GALC: variants seen among roughly 807,000 people sequenced by gnomAD.
GALC encodes the protein galactocerebrosidase.
A neutral mutation model predicts 91.8 loss-of-function variants in GALC; 77 were observed. The ratio of observed to expected loss-of-function variants is 0.84; its 90% confidence interval spans 0.70 to 1.01. The LOEUF (loss-of-function observed/expected upper bound fraction) is 1.01. Ranked by LOEUF, GALC falls within the 50% of genes least tolerant of loss-of-function variation. The pLI is 0.00. For missense variants in GALC, 882 were observed against 855.9 expected, an observed-to-expected ratio of 1.03 and a Z score of -0.38; for synonymous variants, 357 against 306.7, an observed-to-expected ratio of 1.16 and a Z score of -1.71.
chr14:87,987,867 T>G, intron 3 of GALC: 1 of 421,384 alleles, frequency 2.4e-6, no homozygotes, highest in Non-Finnish European at 4.3e-6. Context: ...TGCTCTGTCC[T>G]GTATATATAG....
intron 10 of GALC, among the ~76,000 whole-genome samples, chr14:87,962,578 TACACACACACACACACACACACAC>T (rs36205603): frequency 6.1e-5 from 9 of 146,438 alleles, no homozygotes; most frequent in Non-Finnish European, 3.0e-5. Context: ...CCTGATATGA[TACACACACACACACACACACACAC>T]ACACACACAC....
rs553482812 is a variant in GALC at position 87,951,632 on chromosome 14, C to CA, written c.1162-885dup. ...TAAATACAGGAAGATTCAAGTCACA[C>CA]AAAGTACTTTTTTAACCACTATAGA... is the stretch of plus-strand genomic sequence containing the variant. On this transcript the variant is annotated intron_variant, in intron 10 of 16. Transcript: ENST00000261304. Among the ~76,000 whole-genome samples the CA allele has an allele frequency of 1.3e-4, 19 of 151,934 alleles. No individual in the cohort carries two copies. In the South Asian group the frequency reaches 3.9e-3, roughly 32 times the overall value.
intron 16 of GALC, among the ~76,000 whole-genome samples, chr14:87,936,477 A>T (rs11624233): frequency 0.46 from 69,610 of 151,246 alleles, 17,691 homozygotes; most frequent in East Asian, 0.76. Flanking sequence ...ACAATAGCCG[A>T]ACTGGGTAGC....
intron 10 of GALC, chr14:87,953,538 G>T (rs1885396285): frequency 1.9e-6 from 3 of 1,609,222 alleles, no homozygotes; most frequent in Non-Finnish European, 2.5e-6. Context: ...AAGATGAACT[G>T]CCACCAAATG....
chr14:87,961,241 A>T (rs1012164112), intron 10 of GALC, among the ~76,000 whole-genome samples: 1 of 152,196 alleles, frequency 6.6e-6, no homozygotes, highest in South Asian at 2.1e-4. Flanking sequence ...AGGAAAATGC[A>T]TATTGAACTA....
chr14:87,962,197 C>T (rs944091997), intron 10 of GALC, among the ~76,000 whole-genome samples: 10 of 152,252 alleles, frequency 6.6e-5, no homozygotes, highest in Middle Eastern at 3.4e-3. Context: ...TACCAACTAT[C>T]GCCAGCTCTG....
intron 6 of GALC, 116 bp from the exon 7 acceptor site, chr14:87,976,604 CTTTTGTTT>C: frequency 2.3e-6 from 2 of 884,972 alleles, no homozygotes; most frequent in Non-Finnish European, 1.8e-6. Flanking sequence ...ATAATAGCTT[CTTTTGTTT>C]GTTTGTTTGT....
At chr14:87,978,179 G>A (rs1886584610) in intron 6 of GALC, among the ~76,000 whole-genome samples, 1 of 152,172 alleles carries the variant, frequency 6.6e-6, no homozygotes. Flanking sequence ...AGCCTCTCAA[G>A]TAGCTGGGAT....
At position 87,934,578 on chromosome 14, in the gene GALC, T is replaced by C. The variant is rs1042381226; in HGVS notation, c.*154A>G. 6.7e-7 allele frequency: 1 copy of C among 1,495,994 alleles called. No individual in the cohort carries two copies. Among genetic ancestry groups the C allele is most frequent in the South Asian group, 1.3e-5 (1 of 76,652 alleles). 92.7% of individuals were successfully genotyped at this position (1,495,994 alleles called of 1,614,324 possible). The stretch of plus-strand genomic sequence containing the variant: ...AATTCTAATAAAATCTTCCACAGGG[T>C]AAATTAAAAATAAATTTCTCTCCCC... On this transcript the variant is annotated 3_prime_UTR_variant, in exon 17 of 17. Coordinates refer to ENST00000261304, the MANE Select transcript of GALC (RefSeq NM_000153.4).
chr14:87,955,883 T>C (rs976993556), intron 10 of GALC, among the ~76,000 whole-genome samples: 3 of 151,780 alleles, frequency 2.0e-5, no homozygotes, highest in African/African-American at 7.3e-5. Flanking sequence ...TGAGGAAGTA[T>C]AGAGTGGTAC....
intron 1 of GALC, 31 bp from the exon 2 acceptor site, chr14:87,988,554 A>T: frequency 1.4e-6 from 2 of 1,476,278 alleles, no homozygotes. Context: ...AAGTATGAAT[A>T]AAAGAAATCC....
At chr14:87,976,267 T>G (rs1886486881) in intron 7 of GALC, 91 bp downstream of exon 7, 1 of 1,374,228 alleles carries the variant, frequency 7.3e-7, no homozygotes, top group Non-Finnish European at 1.0e-6. Flanking sequence ...TCTGAGAATG[T>G]AATCAAATGG....
At chr14:87,941,660 G>C in intron 14 of GALC, 102 bp from the exon 15 acceptor site, 1 of 859,444 alleles carries the variant, frequency 1.2e-6, no homozygotes, top group East Asian at 2.5e-5. Flanking sequence ...TTCTAATTGA[G>C]GTGAGAATGT....
chr14:87,941,358 A>T (rs575607707), intron 15 of GALC, 37 bp downstream of exon 15: 1 of 1,278,954 alleles, frequency 7.8e-7, no homozygotes, highest in East Asian at 2.3e-5. Flanking sequence ...CATAGCCCAT[A>T]AGTCATATGC....
chr14:87,950,520 G>C (rs1885258186), intron 11 of GALC, 139 bp downstream of exon 11: 1 of 607,258 alleles, frequency 1.6e-6, no homozygotes, highest in Non-Finnish European at 3.0e-6. Flanking sequence ...GAAGACAGAA[G>C]ACACCAGGGC....
chr14:87,947,278 T>TA (rs34703156), intron 13 of GALC, among the ~76,000 whole-genome samples: 69,757 of 150,584 alleles, frequency 0.46, 17,561 homozygotes, highest in East Asian at 0.75. Context: ...AAAGCTCAAT[T>TA]AAAAAAAAAG....
chr14:87,988,100 T>C lies in GALC; in HGVS notation c.328+44A>G, dbSNP rs73312826. ...CACAGTCCATATGCTGAGGTATAGA[T>C]TAAAATGTTGATGGGAGAAATCCTA... On this transcript the variant is annotated intron_variant, in intron 3 of 16. Transcript: ENST00000261304. 6,499 of 1,473,020 alleles carry C rather than the reference T, an allele frequency of 4.4e-3. 206 individuals carry two copies. The African/African-American group carries it at 0.075, about 17-fold the overall frequency. 91.2% of individuals were successfully genotyped at this position (1,473,020 alleles called of 1,614,324 possible). A position where few individuals can be genotyped will look rare whatever the true frequency, so the allele number is the denominator to read the frequency against.
At chr14:87,984,153 A>AC (rs35327812) in intron 5 of GALC, among the ~76,000 whole-genome samples, 1 of 148,486 alleles carries the variant, frequency 6.7e-6, no homozygotes, top group Non-Finnish European at 1.5e-5. Context: ...AAAAAAAAAA[A>AC]CCCAGCTCAG....
At chr14:87,980,073 T>C (rs1183269168) in intron 6 of GALC, among the ~76,000 whole-genome samples, 1 of 152,026 alleles carries the variant, frequency 6.6e-6, no homozygotes, top group Non-Finnish European at 1.5e-5. Context: ...CGCCTACAAC[T>C]ACAGATTAAT....
Sources: gnomAD v4.1 joint callset for allele counts (sites outside exome capture counted in the v4.1 genomes callset) on GRCh38, gnomAD v4.1.1 for gene constraint, MANE v1.5 for transcripts, NCBI Gene and HGNC (gene_info 2026-07-23, HGNC 2026-07-21) for gene names.